SPTLC2: variants seen among roughly 807,000 people sequenced by gnomAD.
SPTLC2 encodes the protein serine palmitoyltransferase 2.
Under a neutral mutation model 62.0 loss-of-function variants are expected in SPTLC2, and 21 were observed. The ratio of observed to expected loss-of-function variants is 0.34; its 90% confidence interval spans 0.24 to 0.49. The LOEUF (loss-of-function observed/expected upper bound fraction) is 0.49, where lower values mean the gene tolerates loss of function less well. Among genes scored for constraint, SPTLC2 ranks in the 20% least tolerant of loss-of-function variants. The pLI, the probability that SPTLC2 is intolerant of heterozygous loss-of-function variation, is 0.99. For missense variants in SPTLC2, 511 were observed against 713.0 expected (o/e 0.72, Z 3.23); for synonymous variants, 261 against 261.8 (o/e 1.00, Z 0.03).
chr14:77,546,655 C>T (rs1297753518), intron 9 of SPTLC2, among the ~76,000 whole-genome samples: 2 of 152,198 alleles, frequency 1.3e-5, no homozygotes, highest in African/African-American at 4.8e-5. Context: ...TATTGTTCAA[C>T]TCTGCATCTC....
intron 1 of SPTLC2, among the ~76,000 whole-genome samples, chr14:77,610,226 C>T (rs538218196): frequency 8.5e-5 from 13 of 152,234 alleles, no homozygotes; most frequent in African/African-American, 2.9e-4. Context: ...CTGCAACTTC[C>T]ACCTCCTGGG....
rs1394371662 is a variant in SPTLC2, at chr14:77,511,387, A to G, written c.*897T>C. 1 of 152,316 alleles carries G rather than the reference A, an allele frequency of 6.6e-6. No individual in the cohort carries two copies. The highest frequency in any genetic ancestry group is 1.9e-4 in the East Asian group (1 of 5,202). 9.4% of individuals were successfully genotyped at this position (152,316 alleles called of 1,614,324 possible). A position where few individuals can be genotyped will look rare whatever the true frequency, so the allele number is the denominator to read the frequency against. On this transcript the variant is annotated 3_prime_UTR_variant, in exon 12 of 12. Coordinates refer to ENST00000216484, the MANE Select transcript of SPTLC2 (RefSeq NM_004863.4). ...CCACAGGCTCTGCAAGGAGTAATCA[A>G]TTCTTTGCACACTGCCACTGCCCCT...
chr14:77,534,424 T>C (rs4903593), intron 9 of SPTLC2, among the ~76,000 whole-genome samples: 34,972 of 152,058 alleles, frequency 0.23, 4,810 homozygotes, highest in East Asian at 0.56. Flanking sequence ...CGGTTGTGGA[T>C]ATGTTTCAGG....
Position 77,536,014 on chromosome 14 carries a change from G to C in SPTLC2, c.1304-14433C>G, listed in dbSNP as rs888619694. On this transcript the variant is annotated intron_variant, in intron 9 of 11. Transcript: ENST00000216484. ...AATAGTGATGCCATTACCTGAGATA[G>C]GAAACACAAAAGAAAAAGTTGGTTT... 11 of 442,750 alleles carry C rather than the reference G, an allele frequency of 2.5e-5. 1 individual carries two copies. Among genetic ancestry groups the C allele is most frequent in the African/African-American group, 1.8e-4 (9 of 49,116 alleles). The allele number at this position is 442,750 out of a possible 1,614,324, so 27.4% of individuals were successfully genotyped here. A position where few individuals can be genotyped will look rare whatever the true frequency, so the allele number is the denominator to read the frequency against.
rs892624964 is a variant in SPTLC2, at chr14:77,570,634, C to A, written c.632-126G>T. On this transcript the variant is annotated intron_variant, in intron 4 of 11. Transcript: ENST00000216484. ...TTCAGACTAAGATCTATGAAGGAGT[C>A]AATATTATGAAGAGTAATATTCTTC... is the stretch of plus-strand genomic sequence containing the variant. The A allele has an allele frequency of 2.7e-6, 3 of 1,104,596 alleles. No homozygotes were observed. In the African/African-American group the frequency reaches 4.7e-5, roughly 17 times the overall value. The allele number at this position is 1,104,596 out of a possible 1,614,324, so 68.4% of individuals were successfully genotyped here.
intron 1 of SPTLC2, among the ~76,000 whole-genome samples, chr14:77,601,785 A>G (rs2140059803): frequency 6.6e-6 from 1 of 152,072 alleles, no homozygotes; most frequent in Non-Finnish European, 1.5e-5. Flanking sequence ...TTCTCCTTTC[A>G]ATCTTGGCGC....
At chr14:77,565,459 T>C (rs1338527647) in intron 5 of SPTLC2, among the ~76,000 whole-genome samples, 2 of 152,114 alleles carry the variant, frequency 1.3e-5, no homozygotes, top group Non-Finnish European at 2.9e-5. Context: ...CGATTAAGAT[T>C]TACATCATCA....
At chr14:77,599,367 A>G (rs2140058014) in intron 1 of SPTLC2, among the ~76,000 whole-genome samples, 1 of 152,366 alleles carries the variant, frequency 6.6e-6, no homozygotes, top group African/African-American at 2.4e-5. Flanking sequence ...CAGAGATACG[A>G]TATAAACAAA....
chr14:77,559,477 T>C (rs929700949), intron 6 of SPTLC2, among the ~76,000 whole-genome samples: 2 of 152,146 alleles, frequency 1.3e-5, no homozygotes, highest in African/African-American at 4.8e-5. Context: ...AATAACATTA[T>C]GATCTGAGAA....
At chr14:77,568,871 T>C (rs1468855995) in intron 5 of SPTLC2, among the ~76,000 whole-genome samples, 1 of 152,010 alleles carries the variant, frequency 6.6e-6, no homozygotes, top group Non-Finnish European at 1.5e-5. Flanking sequence ...ATTTGTCTAC[T>C]TCTTTTAGTT....
chr14:77,571,226 C>T (rs1440832875), intron 4 of SPTLC2, among the ~76,000 whole-genome samples: 1 of 152,138 alleles, frequency 6.6e-6, no homozygotes, highest in Non-Finnish European at 1.5e-5. Flanking sequence ...AACGTTTCTT[C>T]CTGGCAGGGT....
chr14:77,544,118 C>T (rs1441949007), intron 9 of SPTLC2, among the ~76,000 whole-genome samples: 1 of 152,082 alleles, frequency 6.6e-6, no homozygotes, highest in Non-Finnish European at 1.5e-5. Flanking sequence ...TGCAATCCTC[C>T]GCCTTGGCCT....
chr14:77,513,713 T>TG (rs1482675955), intron 11 of SPTLC2, among the ~76,000 whole-genome samples: 2 of 151,814 alleles, frequency 1.3e-5, no homozygotes, highest in Admixed American at 1.3e-4. Flanking sequence ...CTGACCAACA[T>TG]GGAGAAACCC....
intron 1 of SPTLC2, among the ~76,000 whole-genome samples, chr14:77,616,038 G>A (rs894881224): frequency 6.6e-6 from 1 of 152,194 alleles, no homozygotes; most frequent in African/African-American, 2.4e-5. Flanking sequence ...GTTTTCTTTG[G>A]ACGACTGCAG....
intron 11 of SPTLC2, among the ~76,000 whole-genome samples, chr14:77,514,225 G>A (rs1420538695): frequency 6.6e-6 from 1 of 152,028 alleles, no homozygotes; most frequent in Non-Finnish European, 1.5e-5. Context: ...AGATCACAAA[G>A]TAATGGACAT....
Position 77,507,695 on chromosome 14 carries a change from G to A in SPTLC2, c.*4589C>T, listed in dbSNP as rs968845877. 1 of 152,106 alleles carries A rather than the reference G, an allele frequency of 6.6e-6. No individual in the cohort carries two copies. Among genetic ancestry groups the A allele is most frequent in the Non-Finnish European group, 1.5e-5 (1 of 68,044 alleles). 9.4% of individuals were successfully genotyped at this position (152,106 alleles called of 1,614,324 possible). A position where few individuals can be genotyped will look rare whatever the true frequency, so the allele number is the denominator to read the frequency against. On this transcript the variant is annotated 3_prime_UTR_variant, in exon 12 of 12. Transcript: ENST00000216484. ...AAGACATGTTTTTCTCCACATGGAA[G>A]GTATTTTTTAAACTGGTTTAATGTA...
At chr14:77,550,352 G>T (rs1227539665) in intron 9 of SPTLC2, among the ~76,000 whole-genome samples, 1 of 152,084 alleles carries the variant, frequency 6.6e-6, no homozygotes, top group Admixed American at 6.6e-5. Context: ...AGGCAGGCAG[G>T]TCACCTGAGG....
chr14:77,589,137 G>A (rs887354190), intron 2 of SPTLC2, among the ~76,000 whole-genome samples: 9 of 151,880 alleles, frequency 5.9e-5, no homozygotes, highest in African/African-American at 2.2e-4. Flanking sequence ...AGAAAAGTAG[G>A]TGAAATACTC....
intron 2 of SPTLC2, among the ~76,000 whole-genome samples, chr14:77,591,972 C>T (rs919506422): frequency 6.6e-5 from 10 of 152,152 alleles, no homozygotes; most frequent in South Asian, 2.1e-4. Flanking sequence ...GATCCGCCCG[C>T]CTTGGCCTCC....
Sources: gnomAD v4.1 joint callset for allele counts (sites outside exome capture counted in the v4.1 genomes callset) on GRCh38, gnomAD v4.1.1 for gene constraint, MANE v1.5 for transcripts, NCBI Gene and HGNC (gene_info 2026-07-23, HGNC 2026-07-21) for gene names.